RAD54B: variants seen among roughly 807,000 people sequenced by gnomAD.
The protein encoded by RAD54B is DNA repair and recombination protein RAD54B.
RAD54B carries 78 observed loss-of-function variants against 95.8 expected under a neutral mutation model. The ratio of observed to expected loss-of-function variants is 0.81; its 90% CI spans 0.68 to 0.98. RAD54B has a LOEUF of 0.98. Ranked by LOEUF, RAD54B falls within the 50% of genes least tolerant of loss-of-function variation. RAD54B has a pLI of 0.00. For missense variants in RAD54B, 957 were observed against 1,056.6 expected (o/e 0.91, Z 1.31); for synonymous variants, 328 against 354.9 (o/e 0.92, Z 0.85).
intron 12 of RAD54B, 63 bp from the exon 13 acceptor site, chr8:94,378,697 C>A: frequency 9.3e-7 from 1 of 1,073,982 alleles, no homozygotes; most frequent in South Asian, 1.4e-5. Flanking sequence ...TCCACACATG[C>A]AATTTGCAGA....
chr8:94,416,522 TA>T (rs1026612663), intron 3 of RAD54B, among the ~76,000 whole-genome samples: 133 of 136,390 alleles, frequency 9.8e-4, no homozygotes, highest in African/African-American at 3.2e-3. Context: ...ATAATAATAA[TA>T]AAAAAAAAGA....
rs147183262 is a variant in RAD54B at position 94,384,887 on chromosome 8, G to A, written c.1985+2097C>T. Among the ~76,000 whole-genome samples the A allele has an allele frequency of 6.2e-3, 944 of 152,250 alleles. 9 individuals are homozygous for A. Among genetic ancestry groups the A allele is most frequent in the Middle Eastern group, 0.041 (12 of 294 alleles). ...GGAGACTGAGGTACGCAGATTGCTTGAACTCAGGAGTTAAGAGACCAGCCT... is the reference window on the plus strand; with the variant it reads ...GGAGACTGAGGTACGCAGATTGCTTAAACTCAGGAGTTAAGAGACCAGCCT... On this transcript the variant is annotated intron_variant, in intron 11 of 14. Transcript: ENST00000336148.
At chr8:94,412,552 A>G (rs1346970175) in intron 3 of RAD54B, among the ~76,000 whole-genome samples, 1 of 152,168 alleles carries the variant, frequency 6.6e-6, no homozygotes, top group East Asian at 1.9e-4. Context: ...GTGGCTGGAT[A>G]AAAGGTGGTT....
chr8:94,461,525 C>A (rs972731230), intron 2 of RAD54B, among the ~76,000 whole-genome samples: 1 of 151,794 alleles, frequency 6.6e-6, no homozygotes, highest in Non-Finnish European at 1.5e-5. Context: ...CAAAAAAAAA[C>A]CTGATAAATT....
intron 3 of RAD54B, among the ~76,000 whole-genome samples, chr8:94,421,970 T>A (rs1162369248): frequency 6.6e-6 from 1 of 152,196 alleles, no homozygotes; most frequent in East Asian, 1.9e-4. Flanking sequence ...GTCCTAGTAA[T>A]CTTGAAGGAA....
intron 2 of RAD54B, among the ~76,000 whole-genome samples, chr8:94,460,399 A>C (rs549943128): frequency 2.6e-5 from 4 of 152,272 alleles, no homozygotes; most frequent in African/African-American, 9.6e-5. Context: ...TGAGGCCAGG[A>C]GGCCAAGGTT....
intron 11 of RAD54B, among the ~76,000 whole-genome samples, chr8:94,384,101 T>G (rs1810810690): frequency 6.6e-6 from 1 of 152,256 alleles, no homozygotes; most frequent in Admixed American, 6.5e-5. Flanking sequence ...CTGCACATTG[T>G]GCACATGTAC....
chr8:94,467,230 T>C (rs140515173), intron 2 of RAD54B, among the ~76,000 whole-genome samples, 175 bp downstream of exon 2: 416 of 152,330 alleles, frequency 2.7e-3, no homozygotes, highest in African/African-American at 9.6e-3. Flanking sequence ...GCCCAGCCTG[T>C]TATTCCTTTT....
chr8:94,428,237 C>T, intron 3 of RAD54B: 1 of 918,992 alleles, frequency 1.1e-6, no homozygotes, highest in Non-Finnish European at 1.3e-6. Context: ...ATCAAGTCTA[C>T]ATTTAAAAAA....
intron 11 of RAD54B, 50 bp downstream of exon 11, chr8:94,386,921 AGTAAAGAAATAGT>A: frequency 8.7e-7 from 1 of 1,146,888 alleles, no homozygotes; most frequent in South Asian, 2.4e-5. Context: ...GGAAGTAGGA[AGTAAAGAAATAGT>A]GCAAACTAAA....
At chr8:94,463,833 T>A (rs1812959026) in intron 2 of RAD54B, among the ~76,000 whole-genome samples, 1 of 149,044 alleles carries the variant, frequency 6.7e-6, no homozygotes, top group Non-Finnish European at 1.5e-5. Context: ...GAGGATCACT[T>A]GAGCCTAGTA....
intron 10 of RAD54B, among the ~76,000 whole-genome samples, chr8:94,391,079 T>C (rs4734277): frequency 0.094 from 14,342 of 152,102 alleles, 1,260 homozygotes; most frequent in African/African-American, 0.22. Context: ...TCAACCTGTA[T>C]ATAATTAGTG....
chr8:94,397,351 A>AT (rs1378138870), intron 8 of RAD54B, among the ~76,000 whole-genome samples: 2 of 152,144 alleles, frequency 1.3e-5, no homozygotes, highest in Non-Finnish European at 2.9e-5. Flanking sequence ...GAAACCAACT[A>AT]TGAGTATTTC....
chr8:94,423,059 A>AAT (rs1345334373), intron 3 of RAD54B, among the ~76,000 whole-genome samples: 3 of 151,896 alleles, frequency 2.0e-5, no homozygotes, highest in Non-Finnish European at 4.4e-5. Context: ...CCTCATTTCC[A>AAT]TTATTACCCA....
rs747584344 is a variant in RAD54B, at chr8:94,407,797, C to G, written c.500-77G>C. On this transcript the variant is annotated intron_variant, in intron 4 of 14. Transcript: ENST00000336148. ...ACCTTCCCGTAACTGTACAAAAAAA[C>G]TGCACTTTGAATGTAAATAGTCTTA... 3.9e-6 allele frequency: 5 copies of G among 1,271,746 alleles called. No homozygotes were observed. In the East Asian group the frequency reaches 9.5e-5, roughly 24 times the overall value. 78.8% of individuals were successfully genotyped at this position (1,271,746 alleles called of 1,614,324 possible).
At chr8:94,379,100 C>T (rs771769968) in intron 12 of RAD54B, among the ~76,000 whole-genome samples, 1 of 152,184 alleles carries the variant, frequency 6.6e-6, no homozygotes, top group Non-Finnish European at 1.5e-5. Flanking sequence ...TCAAACCCTG[C>T]ACATTTCAAA....
chr8:94,420,275 T>TA (rs1399403876), intron 3 of RAD54B, among the ~76,000 whole-genome samples: 8 of 113,756 alleles, frequency 7.0e-5, no homozygotes, highest in African/African-American at 1.3e-4. Context: ...TTTTTTTTTT[T>TA]AAGACAGAGT....
At chr8:94,418,150 C>T (rs1256866179) in intron 3 of RAD54B, among the ~76,000 whole-genome samples, 1 of 151,946 alleles carries the variant, frequency 6.6e-6, no homozygotes, top group Non-Finnish European at 1.5e-5. Context: ...GTTTTTTACC[C>T]TTCTCTTTTC....
intron 3 of RAD54B, among the ~76,000 whole-genome samples, chr8:94,443,502 C>A (rs1812448448): frequency 3.3e-5 from 5 of 151,346 alleles, no homozygotes; most frequent in Non-Finnish European, 7.4e-5. Context: ...TAGTAATAAC[C>A]CAAGGGAATA....
Sources: gnomAD v4.1 joint callset for allele counts (sites outside exome capture counted in the v4.1 genomes callset) on GRCh38, gnomAD v4.1.1 for gene constraint, MANE v1.5 for transcripts, NCBI Gene and HGNC (gene_info 2026-07-23, HGNC 2026-07-21) for gene names.